Variants in LMO7 observed in about 807,000 individuals in gnomAD.
The protein encoded by LMO7 is LIM domain only protein 7.
A neutral mutation model predicts 206.5 loss-of-function variants in LMO7; 120 were observed. The ratio of observed to expected loss-of-function variants is 0.58; its 90% CI spans 0.50 to 0.68. LMO7 has a LOEUF of 0.68. Among genes scored for constraint, LMO7 ranks in the 30% least tolerant of loss-of-function variants. The pLI is 0.00. For missense variants in LMO7, 1,959 were observed against 1,957.9 expected (o/e 1.00, Z -0.01); for synonymous variants, 706 against 681.5 (o/e 1.04, Z -0.56).
intron 18 of LMO7, among the ~76,000 whole-genome samples, chr13:75,835,578 T>C (rs1405310733): frequency 6.6e-6 from 1 of 152,180 alleles, no homozygotes; most frequent in East Asian, 1.9e-4. Context: ...CCCCATAATG[T>C]TGTTTTGCAG....
chr13:75,632,723 CTAA>C (rs199939950), upstream of LMO7, among the ~76,000 whole-genome samples: 1,308 of 152,250 alleles, frequency 8.6e-3, 15 homozygotes, highest in African/African-American at 0.029. Flanking sequence ...TATATTAACT[CTAA>C]TAATAATAAT....
At chr13:75,676,893 T>G (rs1030195619) in intron 1 of LMO7, among the ~76,000 whole-genome samples, 6 of 152,208 alleles carry the variant, frequency 3.9e-5, no homozygotes, top group African/African-American at 1.4e-4. Flanking sequence ...AAATTGTAAC[T>G]TGGAATTACA....
intron 4 of LMO7, among the ~76,000 whole-genome samples, chr13:75,781,815 C>T (rs1219112479): frequency 6.6e-6 from 1 of 152,186 alleles, no homozygotes; most frequent in Non-Finnish European, 1.5e-5. Flanking sequence ...TTATGATTGC[C>T]ATTCTAACTG....
intron 4 of LMO7, among the ~76,000 whole-genome samples, chr13:75,773,913 C>A (rs1035018795): frequency 2.6e-5 from 4 of 152,036 alleles, no homozygotes; most frequent in African/African-American, 9.7e-5. Flanking sequence ...AAAATGAGCA[C>A]TTCCTGGTGT....
chr13:75,779,933 C>T (rs1015180683), intron 4 of LMO7, among the ~76,000 whole-genome samples: 12 of 152,006 alleles, frequency 7.9e-5, no homozygotes, highest in African/African-American at 1.4e-4. Context: ...GCTGGATGTC[C>T]GGGGGAGACA....
At chr13:75,727,651 T>G (rs1360613252) in intron 3 of LMO7, among the ~76,000 whole-genome samples, 1 of 152,074 alleles carries the variant, frequency 6.6e-6, no homozygotes, top group Non-Finnish European at 1.5e-5. Context: ...ATACTTTAAG[T>G]TTTAGGGTAC....
At chr13:75,834,100 C>T (rs999019017) in intron 16 of LMO7, 126 bp from the exon 17 acceptor site, 52 of 651,360 alleles carry the variant, frequency 8.0e-5, no homozygotes, top group South Asian at 3.5e-4. Context: ...AAATAGTGAC[C>T]TCCACCTGAA....
Position 75,681,736 on chromosome 13 carries a change from A to ATATATGTATATATATATATATATG in LMO7, c.70-31441_70-31440insGTATATATATATATATATGTATAT, listed in dbSNP as rs1555293422. On this transcript the variant is annotated intron_variant, in intron 1 of 30. Transcript: ENST00000377534. The stretch of plus-strand genomic sequence containing the variant: ...TATATATGTATATATATATATATAT[A>ATATATGTATATATATATATATATG]TATATATATATATGGAATCTTATTA... Among the ~76,000 whole-genome samples, 12 of 133,232 alleles carry ATATATGTATATATATATATATATG rather than the reference A, an allele frequency of 9.0e-5. No homozygotes were observed. In the East Asian group the frequency reaches 2.2e-3, roughly 25 times the overall value. The allele number at this position is 133,232 out of a possible 152,430, so 87.4% of individuals were successfully genotyped here.
rs138504634 is a variant in LMO7 at position 75,817,722 on chromosome 13, A to G, written c.2064+444A>G. 5.5e-3 allele frequency among the ~76,000 whole-genome samples: 844 copies of G among 152,300 alleles called. 7 individuals are homozygous for G. The highest frequency in any genetic ancestry group is 0.018 in the African/African-American group (748 of 41,558). ...GTTAGTAATTAAGAGTTAATTAAGG[A>G]GAATTGGGGAGAAATAAGTAATATA... On this transcript the variant is annotated intron_variant, in intron 12 of 30. Transcript: ENST00000377534.
chr13:75,629,265 TAA>T (rs760981086), intron 2 of LMO7, among the ~76,000 whole-genome samples: 1 of 152,164 alleles, frequency 6.6e-6, no homozygotes. Context: ...TTCTGTACAT[TAA>T]GTTATAGGTT....
intron 3 of LMO7, among the ~76,000 whole-genome samples, chr13:75,740,612 G>A (rs1435141565): frequency 2.6e-5 from 4 of 152,182 alleles, no homozygotes; most frequent in African/African-American, 7.2e-5. Flanking sequence ...TGCTGATTTT[G>A]TAGATTTGTT....
intron 3 of LMO7, among the ~76,000 whole-genome samples, chr13:75,754,210 G>A (rs1337280997): frequency 6.6e-6 from 1 of 151,986 alleles, no homozygotes; most frequent in Non-Finnish European, 1.5e-5. Flanking sequence ...TCAGCTTCTG[G>A]CAACTACCAA....
chr13:75,756,274 C>G (rs1403808332), intron 3 of LMO7, among the ~76,000 whole-genome samples: 1 of 152,028 alleles, frequency 6.6e-6, no homozygotes, highest in Non-Finnish European at 1.5e-5. Context: ...GGAATGAACC[C>G]CAATAAGATT....
At chr13:75,678,402 T>A (rs1369651654) in intron 1 of LMO7, among the ~76,000 whole-genome samples, 3 of 152,220 alleles carry the variant, frequency 2.0e-5, no homozygotes, top group Non-Finnish European at 4.4e-5. Flanking sequence ...GTGATGAGCA[T>A]TTTTTCATGT....
At chr13:75,821,091 T>A in intron 13 of LMO7, 86 bp from the exon 14 acceptor site, 1 of 959,856 alleles carries the variant, frequency 1.0e-6, no homozygotes. Context: ...TTATTCCCAG[T>A]CCGTTTCATG....
chr13:75,782,577 TAAAAC>T (rs544486769), intron 4 of LMO7, among the ~76,000 whole-genome samples: 18 of 152,362 alleles, frequency 1.2e-4, no homozygotes, highest in African/African-American at 3.6e-4. Context: ...TGTAGTGACT[TAAAAC>T]AACACAAACT....
intron 1 of LMO7, among the ~76,000 whole-genome samples, chr13:75,709,258 A>G (rs2042892728): frequency 6.6e-6 from 1 of 152,232 alleles, no homozygotes; most frequent in Admixed American, 6.5e-5. Flanking sequence ...CAATAAACAT[A>G]CGTGTGCATG....
At chr13:75,713,339 C>T (rs2043272868) in intron 2 of LMO7, 87 bp downstream of exon 2, 1 of 829,086 alleles carries the variant, frequency 1.2e-6, no homozygotes. Flanking sequence ...CTCCCATGGC[C>T]ACCGTAGTCA....
chr13:75,693,348 A>G (rs1241903433), intron 1 of LMO7, among the ~76,000 whole-genome samples: 1 of 152,216 alleles, frequency 6.6e-6, no homozygotes, highest in Non-Finnish European at 1.5e-5. Flanking sequence ...TTGTTCTATT[A>G]TTAGCCTGTT....
Sources: allele counts gnomAD v4.1 joint callset (sites outside exome capture counted in the v4.1 genomes callset), GRCh38; gene constraint gnomAD v4.1.1; transcripts MANE v1.5; gene names NCBI Gene and HGNC (gene_info 2026-07-23, HGNC 2026-07-21).